Variants in PITPNM1 observed in about 807,000 individuals in gnomAD.
PITPNM1 encodes membrane-associated phosphatidylinositol transfer protein 1.
A neutral mutation model predicts 133.3 loss-of-function variants in PITPNM1; 74 were observed. That is an observed-to-expected ratio of 0.56 (90% CI 0.46 to 0.67). PITPNM1 has a LOEUF of 0.67. PITPNM1 is among the 30% of genes least tolerant of loss of function. The probability of loss-of-function intolerance (pLI) is 0.00; values close to 1 mark genes in which losing one functional copy is unlikely to be tolerated. For synonymous variants in PITPNM1, 738 were observed against 741.4 expected, an observed-to-expected ratio of 1.00 and a Z score of 0.08; for missense variants, 1,398 against 1,739.5, an observed-to-expected ratio of 0.80 and a Z score of 3.49.
In PITPNM1 at chr11:67,501,755, G is replaced by A. The variant is rs148766397; in HGVS notation, c.640+107C>T. The A allele has an allele frequency of 9.8e-4, 959 of 982,024 alleles. 9 individuals carry two copies. In the East Asian group the frequency reaches 0.022, roughly 22 times the overall value. 60.8% of individuals were successfully genotyped at this position (982,024 alleles called of 1,614,324 possible). A position where few individuals can be genotyped will look rare whatever the true frequency, so the allele number is the denominator to read the frequency against. ...AGTGCTCCCCACCTCAAATGGAAACGATGGCTTTCTGCTTCTGTGTCCCCA... is the reference window on the plus strand; with the variant it reads ...AGTGCTCCCCACCTCAAATGGAAACAATGGCTTTCTGCTTCTGTGTCCCCA... On this transcript the variant is annotated intron_variant, in intron 5 of 23. Coordinates refer to ENST00000356404, the MANE Select transcript of PITPNM1 (RefSeq NM_004910.3).
rs141242929 is a variant in PITPNM1, at chr11:67,496,049, C to A, written c.2317+129G>T. 4.3e-3 allele frequency: 3,843 copies of A among 890,924 alleles called. 13 individuals carry two copies. Among genetic ancestry groups the A allele is most frequent in the South Asian group, 6.8e-3 (293 of 42,788 alleles). The allele number at this position is 890,924 out of a possible 1,614,324, so 55.2% of individuals were successfully genotyped here. On this transcript the variant is annotated intron_variant, in intron 15 of 23. Coordinates refer to ENST00000356404, the MANE Select transcript of PITPNM1 (RefSeq NM_004910.3). ...TCCAGACCCCCCCAGGGGGAAGGAGCGCCTGGTCCTGGGAGTGGTGGCCTG... is the reference window on the plus strand; with the variant it reads ...TCCAGACCCCCCCAGGGGGAAGGAGAGCCTGGTCCTGGGAGTGGTGGCCTG...
In PITPNM1 at chr11:67,494,505, G is replaced by A. The variant is rs1241988941; in HGVS notation, c.2743-145C>T. The A allele has an allele frequency of 9.3e-6, 6 of 643,892 alleles. No homozygotes were observed. The East Asian group carries it at 1.6e-4, about 18-fold the overall frequency. 39.9% of individuals were successfully genotyped at this position (643,892 alleles called of 1,614,324 possible). A position where few individuals can be genotyped will look rare whatever the true frequency, so the allele number is the denominator to read the frequency against. On this transcript the variant is annotated intron_variant, in intron 18 of 23. Transcript: ENST00000356404. ...TGAGGGAAAAGGGCAAGCCCGGGGGGCGCACTTTTGTGGACCCCGGCCTGA... is the reference window on the plus strand; with the variant it reads ...TGAGGGAAAAGGGCAAGCCCGGGGGACGCACTTTTGTGGACCCCGGCCTGA...
rs1481153118 is a variant in PITPNM1, at chr11:67,493,599, G to A, written c.3159-6C>T. On this transcript the variant is annotated splice_region_variant and splice_polypyrimidine_tract_variant and intron_variant, in intron 21 of 23. Coordinates refer to ENST00000356404, the MANE Select transcript of PITPNM1 (RefSeq NM_004910.3). Reference sequence around the variant, plus strand: ...AGCCGGAGTCCTGCCAGTGCCTGTGGGGCGGGGGCAGCGGTCAGCTCCGCT... The same window carrying A: ...AGCCGGAGTCCTGCCAGTGCCTGTGAGGCGGGGGCAGCGGTCAGCTCCGCT... 1 of 1,547,182 alleles carries A rather than the reference G, an allele frequency of 6.5e-7. No individual in the cohort carries two copies. Among genetic ancestry groups the A allele is most frequent in the South Asian group, 1.2e-5 (1 of 84,376 alleles).
chr11:67,493,121 G>C, intron 22 of PITPNM1, 59 bp from the exon 23 acceptor site: 1 of 1,597,314 alleles, frequency 6.3e-7, no homozygotes, highest in African/African-American at 1.3e-5. Flanking sequence ...CTGGGGGCGG[G>C]GCCTGTTGGG....
chr11:67,492,808 C>T, intron 23 of PITPNM1, 126 bp downstream of exon 23: 2 of 1,236,302 alleles, frequency 1.6e-6, no homozygotes, highest in Non-Finnish European at 2.2e-6. Flanking sequence ...CTCGGAGGAT[C>T]CCAGGTTCCC....
chr11:67,501,578 C>A (rs1866322353), intron 5 of PITPNM1, among the ~76,000 whole-genome samples: 1 of 152,210 alleles, frequency 6.6e-6, no homozygotes, highest in African/African-American at 2.4e-5. Context: ...GTCTCTAAGT[C>A]TCATCTAACT....
chr11:67,494,153 G>C (rs1292251134), intron 19 of PITPNM1, 83 bp from the exon 20 acceptor site: 2 of 1,570,024 alleles, frequency 1.3e-6, no homozygotes, highest in Non-Finnish European at 8.7e-7. Flanking sequence ...GGATGGGTGG[G>C]TCTAGGGGCA....
Position 67,505,342 on chromosome 11 carries a change from C to T in PITPNM1, c.-196G>A, listed in dbSNP as rs531481927. 7.9e-5 allele frequency: 12 copies of T among 152,136 alleles called. No individual in the cohort carries two copies. Among genetic ancestry groups the T allele is most frequent in the Admixed American group, 7.9e-4 (12 of 15,276 alleles). The allele number at this position is 152,136 out of a possible 1,614,324, so 9.4% of individuals were successfully genotyped here. A position where few individuals can be genotyped will look rare whatever the true frequency, so the allele number is the denominator to read the frequency against. ...CGGCCCATGGCCCCGACCTTCCTCT[C>T]GATCCGCCCGCCGGCGCCCCTGCAG... On this transcript the variant is annotated 5_prime_UTR_variant, in exon 1 of 24. Coordinates refer to ENST00000356404, the MANE Select transcript of PITPNM1 (RefSeq NM_004910.3). This position sits in a 1 kb window ranked among gnomAD's most constrained non-coding sequence, Gnocchi z 5.8.
chr11:67,504,551 G>A lies in PITPNM1; in HGVS notation c.-41-330C>T, dbSNP rs1212937651. 1.3e-5 allele frequency: 2 copies of A among 151,988 alleles called. No homozygotes were observed. Among genetic ancestry groups the A allele is most frequent in the Non-Finnish European group, 2.9e-5 (2 of 67,962 alleles). The allele number at this position is 151,988 out of a possible 1,614,324, so 9.4% of individuals were successfully genotyped here. A position where few individuals can be genotyped will look rare whatever the true frequency, so the allele number is the denominator to read the frequency against. ...CCCGCTGCGACCGCGTCCTAACCCC[G>A]GGAAACGGCATCCCTCTGGGCGCGC... On this transcript the variant is annotated intron_variant, in intron 1 of 23. Coordinates refer to ENST00000356404, the MANE Select transcript of PITPNM1 (RefSeq NM_004910.3). This position sits in a 1 kb window ranked among gnomAD's most constrained non-coding sequence, Gnocchi z 5.4.
chr11:67,492,406 T>C (rs1025003508), intron 23 of PITPNM1, 110 bp from the exon 24 acceptor site: 2 of 1,166,838 alleles, frequency 1.7e-6, no homozygotes, highest in Non-Finnish European at 2.4e-6. Flanking sequence ...GGTGGCAGGC[T>C]TGGCACAGCC....
Position 67,501,832 on chromosome 11 carries a change from A to G in PITPNM1, c.640+30T>C, listed in dbSNP as rs369133642. 4.1e-5 allele frequency: 65 copies of G among 1,588,246 alleles called. No homozygotes were observed. In the African/African-American group the frequency reaches 8.2e-4, roughly 20 times the overall value. On this transcript the variant is annotated intron_variant, in intron 5 of 23. Coordinates refer to ENST00000356404, the MANE Select transcript of PITPNM1 (RefSeq NM_004910.3). ...ACATGGGGTCTGGGGCATGCTGGGT[A>G]AGTGGGACCTCCCGCAGCTGGGTGC...
chr11:67,500,251 G>T lies in PITPNM1; in HGVS notation c.811C>A (p.Pro271Thr). 6.2e-7 allele frequency: 1 copy of T among 1,606,734 alleles called. No homozygotes were observed. The highest frequency in any genetic ancestry group is 8.5e-7 in the Non-Finnish European group (1 of 1,179,820). ...TGSEGSEAQP[P>T]GKPSTEARSA... ...CGGGCCTCGGTGCTCGGTTTCCCGGGGGGCTGGGCCTCGGACCCCTCACTG... is the reference window on the plus strand; with the variant it reads ...CGGGCCTCGGTGCTCGGTTTCCCGGTGGGCTGGGCCTCGGACCCCTCACTG... The change falls in exon 6 of 24, where the codon CCC becomes ACC. Residue 271 changes from proline to threonine, a missense_variant. Physicochemically the swap from Pro to Thr is conservative, Grantham distance 38. This residue lies in a region of PITPNM1 where 195 missense variants were observed against 178.8 expected (regional missense o/e 1.09). Coordinates refer to ENST00000356404, the MANE Select transcript of PITPNM1 (RefSeq NM_004910.3).
upstream of PITPNM1, among the ~76,000 whole-genome samples, chr11:67,505,714 G>A (rs921090026): frequency 6.6e-6 from 1 of 152,160 alleles, no homozygotes; most frequent in African/African-American, 2.4e-5. The surrounding 1 kb of genome is among the most constrained non-coding windows in gnomAD (Gnocchi z 5.8). Flanking sequence ...ACCCAGGGTT[G>A]AGGAAATGCC....
rs1218420905 is a variant in PITPNM1 at position 67,502,538 on chromosome 11, C to T, written c.259G>A (p.Glu87Lys). 8.7e-6 allele frequency: 14 copies of T among 1,613,742 alleles called. No individual in the cohort carries two copies. The East Asian group carries it at 2.9e-4, about 33-fold the overall frequency. ...LPKAALQVEEESWNAYPYTRT... is the reference protein window; with the variant it reads ...LPKAALQVEEKSWNAYPYTRT... ...GTGTAGGGGTAGGCATTCCAGGATT[C>T]CTCTTCTACCTGCAGGGCAGCCTTG... Residue 87 changes from glutamate to lysine, a missense_variant, in exon 3 of 24, where the codon GAA becomes AAA. By Grantham distance (56) the Glu-to-Lys change is moderately conservative. Transcript: ENST00000356404. The surrounding 1 kb of genome is among the most constrained non-coding windows in gnomAD (Gnocchi z 5.9).
At chr11:67,500,540 C>A in intron 5 of PITPNM1, 119 bp from the exon 6 acceptor site, 1 of 944,150 alleles carries the variant, frequency 1.1e-6, no homozygotes, top group Non-Finnish European at 1.6e-6. Context: ...CCCAGAGCCA[C>A]AAAGTAGGGC....
At position 67,498,649 on chromosome 11, in the gene PITPNM1, C is replaced by T. The variant is rs142903253; in HGVS notation, c.1431G>A (p.Leu477=). ...HFPEALGHVA[L]RLVPCPPICA... ...AGATGGGTGGACAGGGCACCAGTCG[C>T]AGCGCCACGTGGCCCAAGGCCTCAG... Residue 477 remains leucine, a synonymous_variant, in exon 10 of 24, where the codon CTG becomes CTA. Transcript: ENST00000356404. The surrounding 1 kb of genome is among the most constrained non-coding windows in gnomAD (Gnocchi z 5.7). The T allele has an allele frequency of 2.2e-4, 357 of 1,599,980 alleles. 1 individual carries two copies. The African/African-American group carries it at 3.7e-3, about 16-fold the overall frequency.
chr11:67,495,521 C>T lies in PITPNM1; in HGVS notation c.2399G>A (p.Gly800Asp). ...LVPSTPTSTS[G>D]AFWKGSELAT... ...CAACTCACTGCCCTTCCAGAAGGCA[C>T]CGCTAGTAGAGGTGGGTGTTGAGGG... The change falls in exon 16 of 24, where the codon GGT (glycine) becomes GAT (aspartate). Residue 800 changes from glycine (G) to aspartate (D), a missense_variant. Physicochemically the swap from Gly to Asp is moderately conservative, Grantham distance 94 (BLOSUM62 -1). Coordinates refer to ENST00000356404, the MANE Select transcript of PITPNM1 (RefSeq NM_004910.3). 15 of 1,587,224 alleles carry T rather than the reference C, an allele frequency of 9.5e-6. No homozygotes were observed. The highest frequency in any genetic ancestry group is 1.3e-5 in the Non-Finnish European group (15 of 1,169,412).
Position 67,499,855 on chromosome 11 carries a change from T to A in PITPNM1, c.1064-25A>T, listed in dbSNP as rs201706218. On this transcript the variant is annotated intron_variant, in intron 7 of 23. Coordinates refer to ENST00000356404, the MANE Select transcript of PITPNM1 (RefSeq NM_004910.3). Reference sequence around the variant, plus strand: ...TCTGAGGGGACAGGGGGCTGTGTCATGGGGTGGGAGGAGCTGCTCGGGGAC... The same window carrying A: ...TCTGAGGGGACAGGGGGCTGTGTCAAGGGGTGGGAGGAGCTGCTCGGGGAC... 2.6e-5 allele frequency: 41 copies of A among 1,590,598 alleles called. No homozygotes were observed. The African/African-American group carries it at 5.4e-4, about 21-fold the overall frequency.
At position 67,495,471 on chromosome 11, in the gene PITPNM1, C is replaced by A; in HGVS notation, c.2449G>T (p.Ala817Ser). ...ACCTCACTGGTGGTGCTGGGGGCGG[C>A]TGGCTGGGCCGGGGGGTCAGTGGCC... ...ELATDPPAQP[A>S]APSTTSEVVK... is the part of the protein sequence containing the mutation. Residue 817 changes from alanine (A) to serine (S), a missense_variant, in exon 16 of 24, where the codon GCC becomes TCC. Ala to Ser is a moderately conservative substitution (Grantham distance 99). Around this residue, in one of 5 missense-constraint regions of PITPNM1, gnomAD observed 574 missense variants for 698.7 expected, o/e 0.82. Coordinates refer to ENST00000356404, the MANE Select transcript of PITPNM1 (RefSeq NM_004910.3). 1 of 1,549,828 alleles carries A rather than the reference C, an allele frequency of 6.5e-7. No homozygotes were observed. The highest frequency in any genetic ancestry group is 2.3e-5 in the East Asian group (1 of 43,226).
Sources: allele counts gnomAD v4.1 joint callset (sites outside exome capture counted in the v4.1 genomes callset), GRCh38; gene constraint gnomAD v4.1.1; regional missense constraint gnomAD v4.1.1; non-coding constraint Gnocchi (gnomAD v3.1); transcripts MANE v1.5; gene names NCBI Gene and HGNC (gene_info 2026-07-23, HGNC 2026-07-21).